The following SH3RF3 variants were observed in gnomAD, a reference collection of about 807,000 sequenced individuals.
The protein encoded by SH3RF3 is E3 ubiquitin-protein ligase SH3RF3.
A neutral mutation model predicts 66.3 loss-of-function variants in SH3RF3; 29 were observed. That is an observed-to-expected ratio of 0.44 (90% CI 0.33 to 0.60). The LOEUF is 0.60. Among genes scored for constraint, SH3RF3 ranks in the 20% least tolerant of loss-of-function variants. The pLI, the probability that SH3RF3 is intolerant of heterozygous loss-of-function variation, is 0.04. For missense variants in SH3RF3, 1,194 were observed against 1,190.9 expected, an observed-to-expected ratio of 1.00 and a Z score of -0.04; for synonymous variants, 583 against 532.0, an observed-to-expected ratio of 1.10 and a Z score of -1.32.
intron 1 of SH3RF3, among the ~76,000 whole-genome samples, chr2:109,283,723 A>AG (rs1680948750): frequency 2.6e-5 from 4 of 152,170 alleles, no homozygotes; most frequent in Non-Finnish European, 5.9e-5. Context: ...GGGGATGCTA[A>AG]ATCGCTGGCC....
intron 1 of SH3RF3, among the ~76,000 whole-genome samples, chr2:109,196,689 T>C (rs1009562343): frequency 2.0e-5 from 3 of 152,160 alleles, no homozygotes; most frequent in African/African-American, 7.2e-5. Context: ...GGGCTGGCTC[T>C]GTGAATCCTG....
chr2:109,348,226 C>T (rs1197485486), intron 2 of SH3RF3, among the ~76,000 whole-genome samples: 1 of 152,208 alleles, frequency 6.6e-6, no homozygotes, highest in Non-Finnish European at 1.5e-5. Flanking sequence ...CCTCCATCAG[C>T]ACCAGGAGCA....
At chr2:109,399,102 GC>G (rs1171959265) in intron 4 of SH3RF3, among the ~76,000 whole-genome samples, 159 bp downstream of exon 4, 1 of 152,108 alleles carries the variant, frequency 6.6e-6, no homozygotes, top group African/African-American at 2.4e-5. Flanking sequence ...TGGCACTGGG[GC>G]CCCCCTAGAA....
intron 3 of SH3RF3, among the ~76,000 whole-genome samples, chr2:109,374,384 T>C (rs1163798985): frequency 6.6e-6 from 1 of 152,152 alleles, no homozygotes; most frequent in Non-Finnish European, 1.5e-5. Flanking sequence ...TGAACAGGTG[T>C]TTCCTGGGAC....
chr2:109,310,500 A>G (rs1681699700), intron 1 of SH3RF3, among the ~76,000 whole-genome samples: 2 of 66,760 alleles, frequency 3.0e-5, no homozygotes, highest in Non-Finnish European at 5.0e-5. Flanking sequence ...TCAGAGCAGA[A>G]CTGAAGGAAA....
chr2:109,185,928 G>GGCCCTGT (rs1203080676), intron 1 of SH3RF3, among the ~76,000 whole-genome samples: 2 of 151,530 alleles, frequency 1.3e-5, no homozygotes, highest in African/African-American at 4.9e-5. Flanking sequence ...TGGGACGGCT[G>GGCCCTGT]GCCCTGTGCC....
intron 2 of SH3RF3, among the ~76,000 whole-genome samples, chr2:109,368,743 CGAAA>C (rs1199548054): frequency 1.3e-5 from 2 of 148,308 alleles, no homozygotes; most frequent in African/African-American, 5.0e-5. Context: ...AAAGAAAGAA[CGAAA>C]GAAACAAAAT....
intron 1 of SH3RF3, among the ~76,000 whole-genome samples, chr2:109,326,556 C>A (rs889000702): frequency 2.0e-5 from 3 of 152,070 alleles, no homozygotes; most frequent in African/African-American, 7.2e-5. Context: ...TGTGAAATGG[C>A]ATCTCATTGT....
At position 109,432,749 on chromosome 2, in the gene SH3RF3, G is replaced by T. The variant is rs1397201500; in HGVS notation, c.1574+78G>T. On this transcript the variant is annotated intron_variant, in intron 6 of 9. Transcript: ENST00000309415. Reference sequence around the variant, plus strand: ...CCTTACCGCTGTTGTTACTGCTGGAGGCTACTCTGTCAGCCGGGCCCAGAA... The same window carrying T: ...CCTTACCGCTGTTGTTACTGCTGGATGCTACTCTGTCAGCCGGGCCCAGAA... The T allele has an allele frequency of 2.7e-6, 4 of 1,507,912 alleles. No individual in the cohort carries two copies. The East Asian group carries it at 9.3e-5, about 35-fold the overall frequency. The allele number at this position is 1,507,912 out of a possible 1,614,324, so 93.4% of individuals were successfully genotyped here.
intron 1 of SH3RF3, among the ~76,000 whole-genome samples, chr2:109,293,558 A>G (rs964229804): frequency 6.6e-6 from 1 of 152,234 alleles, no homozygotes; most frequent in Non-Finnish European, 1.5e-5. Flanking sequence ...TGACCACTAG[A>G]AAACAAAGGG....
chr2:109,408,727 T>G (rs1190447234), intron 4 of SH3RF3, among the ~76,000 whole-genome samples: 1 of 152,254 alleles, frequency 6.6e-6, no homozygotes, highest in Non-Finnish European at 1.5e-5. Context: ...CCACCCCTCC[T>G]GCAGCCACCG....
intron 9 of SH3RF3, among the ~76,000 whole-genome samples, chr2:109,497,229 T>C (rs1679280817): frequency 6.6e-6 from 1 of 152,208 alleles, no homozygotes; most frequent in African/African-American, 2.4e-5. Context: ...AGTATTCTTA[T>C]CCCCAAGTTC....
intron 1 of SH3RF3, among the ~76,000 whole-genome samples, chr2:109,259,055 C>G (rs1306738976): frequency 6.6e-6 from 1 of 152,260 alleles, no homozygotes. Context: ...CTTGTGCTGC[C>G]AGGGCCCTAG....
intron 1 of SH3RF3, among the ~76,000 whole-genome samples, chr2:109,305,867 C>G (rs996189078): frequency 2.0e-5 from 3 of 152,238 alleles, no homozygotes. Flanking sequence ...AAGCAATCCA[C>G]GCAGAGCCCT....
At chr2:109,449,038 G>GA in intron 7 of SH3RF3, 132 bp from the exon 8 acceptor site, 1 of 1,089,994 alleles carries the variant, frequency 9.2e-7, no homozygotes, top group African/African-American at 1.6e-5. Flanking sequence ...GGCCAGGTCT[G>GA]TCTGGAGAAA....
intron 1 of SH3RF3, among the ~76,000 whole-genome samples, chr2:109,311,618 A>G (rs1042132713): frequency 6.6e-6 from 1 of 152,224 alleles, no homozygotes; most frequent in South Asian, 2.1e-4. Context: ...CCTAAAAGCA[A>G]TGGCCCTTGA....
intron 2 of SH3RF3, among the ~76,000 whole-genome samples, chr2:109,369,203 C>A (rs1427702251): frequency 6.6e-6 from 1 of 151,346 alleles, no homozygotes; most frequent in East Asian, 1.9e-4. Flanking sequence ...AAAAAATTAG[C>A]CGGGAGTGGT....
intron 8 of SH3RF3, among the ~76,000 whole-genome samples, chr2:109,486,929 G>A (rs1287358041): frequency 6.6e-6 from 1 of 152,210 alleles, no homozygotes; most frequent in African/African-American, 2.4e-5. Context: ...AGATCCGGCT[G>A]TTTGGTTTTC....
intron 1 of SH3RF3, among the ~76,000 whole-genome samples, chr2:109,323,527 A>G (rs1559023524): frequency 6.6e-6 from 1 of 152,314 alleles, no homozygotes; most frequent in East Asian, 1.9e-4. Context: ...CAGGAAGAAT[A>G]TTGTAGGTAG....
Sources: allele counts gnomAD v4.1 joint callset (sites outside exome capture counted in the v4.1 genomes callset), GRCh38; gene constraint gnomAD v4.1.1; transcripts MANE v1.5; gene names NCBI Gene and HGNC (gene_info 2026-07-23, HGNC 2026-07-21).